Variants in EP300 observed in about 807,000 individuals in gnomAD.
The protein encoded by EP300 is EP300 lysine acetyltransferase.
EP300 carries 31 observed loss-of-function variants against 264.0 expected under a neutral mutation model. That is an observed-to-expected ratio of 0.12 (90% confidence interval 0.09 to 0.16). The LOEUF (loss-of-function observed/expected upper bound fraction) is 0.16, where lower values mean the gene tolerates loss of function less well. EP300 is among the 10% of genes least tolerant of loss of function. The pLI is 1.00. For synonymous variants in EP300, 1,340 were observed against 1,045.4 expected (o/e 1.28, Z -5.44); for missense variants, 2,766 against 3,052.9 (o/e 0.91, Z 2.21).
chr22:41,169,508 T>C lies in EP300; in HGVS notation c.4178T>C (p.Val1393Ala), dbSNP rs1349382502. ...TTTCTCTTCATTTTGTATAGGAGAG[T>C]ATACATATCTTACCTCGATAGTGTT... ...SDCPPPNQRR[V>A]YISYLDSVHF... The change falls in exon 26 of 31, where the codon GTA (valine) becomes GCA (alanine). Residue 1393 changes from valine (V) to alanine (A), a missense_variant. Physicochemically the swap from Val to Ala is moderately conservative, Grantham distance 64. Coordinates refer to ENST00000263253, the MANE Select transcript of EP300 (RefSeq NM_001429.4). 1 of 1,595,516 alleles carries C rather than the reference T, an allele frequency of 6.3e-7. No homozygotes were observed. Among genetic ancestry groups the C allele is most frequent in the Non-Finnish European group, 8.6e-7 (1 of 1,165,874 alleles).
chr22:41,121,020 T>C (rs910218550), intron 2 of EP300, among the ~76,000 whole-genome samples: 2 of 151,996 alleles, frequency 1.3e-5, no homozygotes, highest in Non-Finnish European at 2.9e-5. Context: ...GAAGAAAAAA[T>C]AGGCATGGCT....
At chr22:41,171,410 C>T (rs757229517) in intron 27 of EP300, among the ~76,000 whole-genome samples, 1 of 152,184 alleles carries the variant, frequency 6.6e-6, no homozygotes, top group Non-Finnish European at 1.5e-5. Context: ...GATACCCGCT[C>T]ATTGCAACCT....
chr22:41,122,650 AAAG>A (rs1486413307), intron 2 of EP300, among the ~76,000 whole-genome samples: 2 of 152,038 alleles, frequency 1.3e-5, no homozygotes, highest in Non-Finnish European at 2.9e-5. Flanking sequence ...GTAATAGTAT[AAAG>A]AAGATTAATT....
At chr22:41,141,625 C>T (rs927188613) in intron 10 of EP300, among the ~76,000 whole-genome samples, 5 of 151,880 alleles carry the variant, frequency 3.3e-5, no homozygotes, top group African/African-American at 1.2e-4. Context: ...TACACTGTCA[C>T]ACTTTCTACT....
chr22:41,125,720 G>T (rs1482313624), intron 2 of EP300, 144 bp from the exon 3 acceptor site: 1 of 860,932 alleles, frequency 1.2e-6, no homozygotes, highest in Non-Finnish European at 1.8e-6. Context: ...TTGTCACGTT[G>T]CCCAAGCTGT....
intron 1 of EP300, among the ~76,000 whole-genome samples, chr22:41,105,137 C>G (rs2058751462): frequency 7.1e-6 from 1 of 140,776 alleles, no homozygotes; most frequent in African/African-American, 2.6e-5. Context: ...GCGGAGCTAG[C>G]AGTGAGCCGA....
intron 4 of EP300, among the ~76,000 whole-genome samples, chr22:41,128,488 A>G (rs996888170): frequency 1.3e-5 from 2 of 152,050 alleles, no homozygotes; most frequent in East Asian, 1.9e-4. Flanking sequence ...CATATGTGTA[A>G]TTTTTTAAAA....
In EP300 at chr22:41,177,525, G is replaced by A. The variant is rs112948044; in HGVS notation, c.5814G>A (p.Thr1938=). The change falls in exon 31 of 31, where the codon ACG becomes ACA. Residue 1938 remains threonine (T), a synonymous_variant. Coordinates refer to ENST00000263253, the MANE Select transcript of EP300 (RefSeq NM_001429.4). ...MAMQIQRAAE[T]QRQMAHVQIF... ...TGCAGATTCAGAGAGCAGCGGAGAC[G>A]CAGCGCCAGATGGCCCACGTGCAAA... The A allele has an allele frequency of 5.4e-4, 870 of 1,614,158 alleles. 6 individuals are homozygous for A. The African/African-American group carries it at 7.5e-3, about 14-fold the overall frequency.
In EP300 at chr22:41,143,558, TG is replaced by T. The variant is rs1459097997; in HGVS notation, c.2053+2337del. 3.9e-5 allele frequency among the ~76,000 whole-genome samples: 6 copies of T among 152,268 alleles called. No homozygotes were observed. In the South Asian group the frequency reaches 8.3e-4, roughly 21 times the overall value. ...CTCATCTTCATGTTTCTTTAACATT[TG>T]TTTTTTTGTTGTTGGTTTTGTTTTT... On this transcript the variant is annotated intron_variant, in intron 10 of 30. Coordinates refer to ENST00000263253, the MANE Select transcript of EP300 (RefSeq NM_001429.4).
intron 1 of EP300, among the ~76,000 whole-genome samples, chr22:41,108,724 A>G (rs1405229567): frequency 2.0e-5 from 3 of 152,236 alleles, no homozygotes; most frequent in Non-Finnish European, 4.4e-5. Context: ...TTAAAGGCAT[A>G]AAGGAACTTG....
At chr22:41,140,105 CATG>C in intron 8 of EP300, 32 bp from the exon 9 acceptor site, 1 of 1,423,292 alleles carries the variant, frequency 7.0e-7, no homozygotes, top group Non-Finnish European at 9.9e-7. Context: ...TAAATGCTGA[CATG>C]ATATTACAGT....
At chr22:41,137,127 G>A (rs757502130) in intron 7 of EP300, among the ~76,000 whole-genome samples, 28 of 152,072 alleles carry the variant, frequency 1.8e-4, no homozygotes, top group Non-Finnish European at 3.5e-4. Context: ...GGGAGGCCCA[G>A]GTGGGTGGAT....
At chr22:41,155,398 G>C (rs980586796) in intron 17 of EP300, among the ~76,000 whole-genome samples, 1 of 151,890 alleles carries the variant, frequency 6.6e-6, no homozygotes, top group African/African-American at 2.4e-5. Flanking sequence ...CACCTGGCTA[G>C]TTTTTTGTAT....
chr22:41,124,143 G>A (rs2058867793), intron 2 of EP300, among the ~76,000 whole-genome samples: 1 of 152,230 alleles, frequency 6.6e-6, no homozygotes. Flanking sequence ...AGCTACTCAG[G>A]CTGAGGCAGG....
At chr22:41,103,282 G>C (rs930471942) in intron 1 of EP300, among the ~76,000 whole-genome samples, 1 of 152,174 alleles carries the variant, frequency 6.6e-6, no homozygotes, top group Non-Finnish European at 1.5e-5. Flanking sequence ...TGAGCAGTCA[G>C]TCACTCTTCA....
chr22:41,116,050 A>AC (rs2145694946), intron 1 of EP300, among the ~76,000 whole-genome samples: 1 of 152,310 alleles, frequency 6.6e-6, no homozygotes, highest in Non-Finnish European at 1.5e-5. Context: ...TCTTCTAAGG[A>AC]ACTTGGGAAT....
At chr22:41,165,486 C>T (rs185854266) in intron 22 of EP300, among the ~76,000 whole-genome samples, 9 of 151,542 alleles carry the variant, frequency 5.9e-5, no homozygotes, top group African/African-American at 1.7e-4. Context: ...TGCAGTGGCG[C>T]GATCTCGGCT....
chr22:41,121,949 A>G (rs1239066246), intron 2 of EP300, among the ~76,000 whole-genome samples: 1 of 152,104 alleles, frequency 6.6e-6, no homozygotes, highest in Non-Finnish European at 1.5e-5. Flanking sequence ...CAACTCCCCC[A>G]TGTATAGGTA....
chr22:41,178,823 C>G lies in EP300; in HGVS notation c.7112C>G (p.Ser2371Ter), dbSNP rs139208187. 2 of 1,614,194 alleles carry G rather than the reference C, an allele frequency of 1.2e-6. No homozygotes were observed. The highest frequency in any genetic ancestry group is 1.7e-6 in the Non-Finnish European group (2 of 1,180,032). ...CATTTTGCCAGCCCGGACCAGAATT[C>G]AATGCTTTCTCAGCTTGCTAGCAAT... is the stretch of plus-strand genomic sequence containing the variant. ...QGHFASPDQN[S>*]MLSQLASNPG... Residue 2371 changes from serine (S) to a stop codon, truncating the protein, a stop_gained, in exon 31 of 31, where the codon TCA (serine) becomes TGA (stop). Coordinates refer to ENST00000263253, the MANE Select transcript of EP300 (RefSeq NM_001429.4). LOFTEE classifies it high-confidence loss of function.
Sources: allele counts gnomAD v4.1 joint callset (sites outside exome capture counted in the v4.1 genomes callset), GRCh38; gene constraint gnomAD v4.1.1; transcripts MANE v1.5; gene names NCBI Gene and HGNC (gene_info 2026-07-23, HGNC 2026-07-21).